The following CADM1 variants were observed in gnomAD, a reference collection of about 807,000 sequenced individuals.
CADM1 encodes the protein TSLC-1.
CADM1 carries 15 observed loss-of-function variants against 53.1 expected under a neutral mutation model. The ratio of observed to expected loss-of-function variants is 0.28; its 90% CI spans 0.19 to 0.44. The LOEUF (loss-of-function observed/expected upper bound fraction) is 0.44, where lower values mean the gene tolerates loss of function less well. CADM1 is among the 20% of genes least tolerant of loss of function. CADM1 has a pLI of 1.00. For missense variants in CADM1, 434 were observed against 611.3 expected (o/e 0.71, Z 3.06); for synonymous variants, 281 against 243.0 (o/e 1.16, Z -1.45).
At chr11:115,331,829 C>T (rs896001458) in intron 1 of CADM1, among the ~76,000 whole-genome samples, 7 of 151,628 alleles carry the variant, frequency 4.6e-5, no homozygotes, top group Non-Finnish European at 1.0e-4. Flanking sequence ...CAAATATTCA[C>T]ATAGGCAGAG....
intron 9 of CADM1, among the ~76,000 whole-genome samples, chr11:115,191,464 A>G (rs757484564): frequency 1.6e-4 from 24 of 152,248 alleles, no homozygotes; most frequent in Non-Finnish European, 2.9e-4. Flanking sequence ...TTCATCAGAA[A>G]ATCTGATTCG....
At chr11:115,272,956 G>C (rs1329100287) in intron 1 of CADM1, among the ~76,000 whole-genome samples, 1 of 152,140 alleles carries the variant, frequency 6.6e-6, no homozygotes, top group Non-Finnish European at 1.5e-5. Context: ...AAGGCAGACA[G>C]AGAGAACAAC....
intron 1 of CADM1, among the ~76,000 whole-genome samples, chr11:115,470,678 G>C (rs764678094): frequency 4.6e-5 from 7 of 152,124 alleles, no homozygotes; most frequent in African/African-American, 7.2e-5. Context: ...GCAGCAAATA[G>C]AACTGCTTTT....
chr11:115,183,593 A>G (rs1490828804), intron 10 of CADM1, among the ~76,000 whole-genome samples: 2 of 152,172 alleles, frequency 1.3e-5, no homozygotes, highest in African/African-American at 4.8e-5. Flanking sequence ...TTTTTGCCAA[A>G]AGGACACCAA....
At chr11:115,481,354 T>G (rs1046245323) in intron 1 of CADM1, among the ~76,000 whole-genome samples, 8 of 152,194 alleles carry the variant, frequency 5.3e-5, no homozygotes, top group Admixed American at 2.0e-4. Flanking sequence ...TCACTCACCT[T>G]CTTAGATGCC....
chr11:115,199,523 A>AG (rs1940322178), intron 8 of CADM1, among the ~76,000 whole-genome samples: 1 of 152,184 alleles, frequency 6.6e-6, no homozygotes, highest in South Asian at 2.1e-4. Flanking sequence ...TCCTCCAAGG[A>AG]GCTCAAGGAA....
chr11:115,402,807 C>CA (rs1228497826), intron 1 of CADM1, among the ~76,000 whole-genome samples: 2 of 151,838 alleles, frequency 1.3e-5, no homozygotes, highest in Non-Finnish European at 2.9e-5. Context: ...GGTGAGAAGG[C>CA]AAAAGGGTAT....
intron 1 of CADM1, among the ~76,000 whole-genome samples, chr11:115,455,025 T>C (rs990603821): frequency 1.3e-5 from 2 of 152,178 alleles, no homozygotes; most frequent in South Asian, 2.1e-4. Context: ...CTTCAATCCA[T>C]AATGATAGAG....
At chr11:115,348,874 G>C (rs1464273965) in intron 1 of CADM1, among the ~76,000 whole-genome samples, 2 of 152,114 alleles carry the variant, frequency 1.3e-5, no homozygotes, top group Non-Finnish European at 2.9e-5. Flanking sequence ...ATCGGGAAGG[G>C]TCATGGGCCT....
intron 1 of CADM1, among the ~76,000 whole-genome samples, chr11:115,387,994 G>A (rs1410459319): frequency 6.6e-6 from 1 of 152,000 alleles, no homozygotes; most frequent in Non-Finnish European, 1.5e-5. Flanking sequence ...GCAGGGAAAG[G>A]ACAAGATAAG....
chr11:115,464,855 G>C (rs1328925906), intron 1 of CADM1, among the ~76,000 whole-genome samples: 1 of 152,186 alleles, frequency 6.6e-6, no homozygotes, highest in Non-Finnish European at 1.5e-5. Context: ...AAAAGATGTT[G>C]CTCAGTTATT....
chr11:115,267,994 C>T lies in CADM1; in HGVS notation c.125-27574G>A, dbSNP rs12283572. ...TTCTGAGAATATATCGTTAACACAT[C>T]CCAGGCTCAGAGAAGCAGTGGTTTC... On this transcript the variant is annotated intron_variant, in intron 1 of 11. Coordinates refer to ENST00000331581, the MANE Select transcript of CADM1 (RefSeq NM_001301043.2). Among the ~76,000 whole-genome samples the T allele has an allele frequency of 4.9e-3, 739 of 152,292 alleles. 8 individuals are homozygous for T. Among genetic ancestry groups the T allele is most frequent in the African/African-American group, 0.017 (712 of 41,556 alleles).
intron 1 of CADM1, among the ~76,000 whole-genome samples, chr11:115,306,214 G>C (rs1002487099): frequency 3.4e-4 from 52 of 151,714 alleles, no homozygotes; most frequent in African/African-American, 1.1e-3. Flanking sequence ...TCTATGTTTA[G>C]ATATGTTTAG....
At chr11:115,191,017 A>T in intron 9 of CADM1, 76 bp from the exon 10 acceptor site, 1 of 1,238,458 alleles carries the variant, frequency 8.1e-7, no homozygotes, top group Non-Finnish European at 1.1e-6. Context: ...ACTGAGGATG[A>T]ATTTCTTTAA....
At chr11:115,397,330 A>G (rs1947026702) in intron 1 of CADM1, 1 of 152,156 alleles carries the variant, frequency 6.6e-6, no homozygotes, top group Non-Finnish European at 1.5e-5. Flanking sequence ...TCTTGAGCCA[A>G]CATATCAGGA....
intron 1 of CADM1, among the ~76,000 whole-genome samples, chr11:115,467,494 T>C (rs747326703): frequency 6.6e-6 from 1 of 152,166 alleles, no homozygotes; most frequent in Non-Finnish European, 1.5e-5. Flanking sequence ...TCCTAAATGC[T>C]CATGGGGCCA....
chr11:115,293,250 G>A (rs1490949894), intron 1 of CADM1, among the ~76,000 whole-genome samples: 3 of 152,162 alleles, frequency 2.0e-5, no homozygotes, highest in Non-Finnish European at 2.9e-5. Context: ...GGCTAACATG[G>A]TGAAACCCCG....
chr11:115,195,289 T>C (rs188825192), intron 9 of CADM1, among the ~76,000 whole-genome samples: 24 of 152,348 alleles, frequency 1.6e-4, no homozygotes, highest in Admixed American at 1.4e-3. Flanking sequence ...CAATCAGATA[T>C]TGGTAAGAAC....
rs546489524 is a variant in CADM1, at chr11:115,395,374, C to T, written c.124+108897G>A. Among the ~76,000 whole-genome samples, 5 of 152,234 alleles carry T rather than the reference C, an allele frequency of 3.3e-5. No individual in the cohort carries two copies. In the South Asian group the frequency reaches 1.0e-3, roughly 32 times the overall value. ...AAGAGTTGGGAAAAAATTACTAAACCAATGCATTAATCTACATCTGCTTTT... is the reference window on the plus strand; with the variant it reads ...AAGAGTTGGGAAAAAATTACTAAACTAATGCATTAATCTACATCTGCTTTT... On this transcript the variant is annotated intron_variant, in intron 1 of 11. Coordinates refer to ENST00000331581, the MANE Select transcript of CADM1 (RefSeq NM_001301043.2).
Sources: allele counts gnomAD v4.1 joint callset (sites outside exome capture counted in the v4.1 genomes callset), GRCh38; gene constraint gnomAD v4.1.1; transcripts MANE v1.5; gene names NCBI Gene and HGNC (gene_info 2026-07-23, HGNC 2026-07-21).